The following NLRX1 variants were observed in gnomAD, a reference collection of about 807,000 sequenced individuals.
NLRX1 encodes NLR family member X1.
NLRX1 carries 67 observed loss-of-function variants against 74.2 expected under a neutral mutation model. The observed-to-expected ratio is 0.90, with a 90% CI of 0.74 to 1.11. NLRX1 has a LOEUF of 1.11. NLRX1 is among the 50% of genes least tolerant of loss of function. The pLI is 0.00. For missense variants in NLRX1, 1,191 were observed against 1,305.4 expected, an observed-to-expected ratio of 0.91 and a Z score of 1.35; for synonymous variants, 506 against 559.1, an observed-to-expected ratio of 0.91 and a Z score of 1.34.
rs767759158 is a variant in NLRX1 at position 119,175,284 on chromosome 11, C to A, written c.1671+10C>A. Reference sequence around the variant, plus strand: ...CTTCAACCTGATCAAGGTAACATCCCGATCAAGGTAACCCCCCAACCTGCT... The same window carrying A: ...CTTCAACCTGATCAAGGTAACATCCAGATCAAGGTAACCCCCCAACCTGCT... On this transcript the variant is annotated intron_variant, in intron 6 of 9. Coordinates refer to ENST00000409109, the MANE Select transcript of NLRX1 (RefSeq NM_001282144.2). 5 of 1,605,688 alleles carry A rather than the reference C, an allele frequency of 3.1e-6. No individual in the cohort carries two copies. Among genetic ancestry groups the A allele is most frequent in the Non-Finnish European group, 4.3e-6 (5 of 1,174,418 alleles).
At position 119,182,298 on chromosome 11, in the gene NLRX1, G is replaced by C. The variant is rs748345890; in HGVS notation, c.2559G>C (p.Leu853=). The change falls in exon 9 of 10, where the codon CTG becomes CTC. Residue 853 remains leucine (L), a synonymous_variant. Transcript: ENST00000409109. ...ACGGTGCTGGTGACACAGCGGCCCT[G>C]GCCCTGGCCAGAGCTGCCCGGGAGC... ...AYNGAGDTAA[L]ALARAAREHP... 1 of 1,613,500 alleles carries C rather than the reference G, an allele frequency of 6.2e-7. No homozygotes were observed. Among genetic ancestry groups the C allele is most frequent in the Non-Finnish European group, 8.5e-7 (1 of 1,180,012 alleles).
intron 1 of NLRX1, among the ~76,000 whole-genome samples, chr11:119,169,763 G>A (rs1197638755): frequency 6.6e-6 from 1 of 152,148 alleles, no homozygotes; most frequent in Non-Finnish European, 1.5e-5. Flanking sequence ...GGCAAGGCGG[G>A]CGGATCACTT....
Position 119,175,208 on chromosome 11 carries a change from G to C in NLRX1, c.1605G>C (p.Leu535=). 1 of 1,614,194 alleles carries C rather than the reference G, an allele frequency of 6.2e-7. No homozygotes were observed. Among genetic ancestry groups the C allele is most frequent in the Non-Finnish European group, 8.5e-7 (1 of 1,180,044 alleles). Residue 535 remains leucine, a synonymous_variant, in exon 6 of 10, where the codon CTG becomes CTC. Transcript: ENST00000409109. ...GCCGTGTTGGGGAGGACGTCAGCCT[G>C]GTACTGGGCATCATGGCCAAGCTGC... ...LVGRVGEDVS[L]VLGIMAKLLP... is the part of the protein sequence containing the mutation.
chr11:119,180,313 G>T, intron 7 of NLRX1, 25 bp downstream of exon 7: 1 of 1,521,786 alleles, frequency 6.6e-7, no homozygotes, highest in Non-Finnish European at 8.9e-7. Flanking sequence ...TCATGCACAG[G>T]CATGAAGAGG....
In NLRX1 at chr11:119,183,227, G is replaced by C. The variant is rs775824223; in HGVS notation, c.2716G>C (p.Val906Leu). 1.9e-6 allele frequency: 3 copies of C among 1,614,118 alleles called. No individual in the cohort carries two copies. The highest frequency in any genetic ancestry group is 2.5e-6 in the Non-Finnish European group (3 of 1,180,054). Residue 906 changes from valine to leucine, a missense_variant, in exon 10 of 10, where the codon GTG becomes CTG. By Grantham distance (32) the Val-to-Leu change is conservative. Transcript: ENST00000409109. This position sits in a 1 kb window ranked among gnomAD's most constrained non-coding sequence, Gnocchi z 5.7. ...GGTGTCACTGACAGAGGGGACGGCG[G>C]TGTCAGAATACTGGTCAGTGATCCT... is the stretch of plus-strand genomic sequence containing the variant. ...VVVSLTEGTA[V>L]SEYWSVILSE...
In NLRX1 at chr11:119,179,733, G is replaced by A. The variant is rs140619699; in HGVS notation, c.1712G>A (p.Arg571Gln). The change falls in exon 7 of 10, where the codon CGG becomes CAG. Residue 571 changes from arginine to glutamine, a missense_variant. By Grantham distance (43) the Arg-to-Gln change is conservative. Coordinates refer to ENST00000409109, the MANE Select transcript of NLRX1 (RefSeq NM_001282144.2). ...TTTGGGCGCATGGTGGGTAAAAGCC[G>A]GGAGGCGGTGGCTCAGGCCATGGTG... ...RVFGRMVGKSREAVAQAMVLE... is the reference protein window; with the variant it reads ...RVFGRMVGKSQEAVAQAMVLE... 1.1e-5 allele frequency: 18 copies of A among 1,610,768 alleles called. No individual in the cohort carries two copies. Among genetic ancestry groups the A allele is most frequent in the Middle Eastern group, 3.3e-4 (2 of 6,060 alleles).
In NLRX1 at chr11:119,182,075, G is replaced by A; in HGVS notation, c.2355-19G>A. On this transcript the variant is annotated intron_variant, in intron 8 of 9. Transcript: ENST00000409109. ...CCTCTCAATGAGCCCTCATAACCTT[G>A]GGTTGCACGTGGCTGTAGGCTGTCC... 6.2e-7 allele frequency: 1 copy of A among 1,611,986 alleles called. No homozygotes were observed. The highest frequency in any genetic ancestry group is 8.5e-7 in the Non-Finnish European group (1 of 1,178,432).
In NLRX1 at chr11:119,173,320, A is replaced by G; in HGVS notation, c.230-159A>G. 1 of 828,054 alleles carries G rather than the reference A, an allele frequency of 1.2e-6. No homozygotes were observed. The highest frequency in any genetic ancestry group is 2.3e-5 in the Admixed American group (1 of 42,806). 51.3% of individuals were successfully genotyped at this position (828,054 alleles called of 1,614,324 possible). On this transcript the variant is annotated intron_variant, in intron 4 of 9. Coordinates refer to ENST00000409109, the MANE Select transcript of NLRX1 (RefSeq NM_001282144.2). The surrounding 1 kb of genome is among the most constrained non-coding windows in gnomAD (Gnocchi z 4.0). ...GACATAGGGGTTCCAGACTTTCTGG[A>G]CAGTCTATATTTTCTCAGGGAGTCT...
intron 6 of NLRX1, among the ~76,000 whole-genome samples, chr11:119,177,609 C>T (rs556032592): frequency 6.7e-4 from 99 of 148,866 alleles, no homozygotes; most frequent in African/African-American, 2.2e-3. Flanking sequence ...GCCTGGGTGA[C>T]AGAGCGAGAC....
intron 9 of NLRX1, among the ~76,000 whole-genome samples, chr11:119,182,655 G>A (rs932725898): frequency 3.9e-5 from 6 of 152,150 alleles, no homozygotes; most frequent in African/African-American, 1.4e-4. Flanking sequence ...GGGGGGCCAA[G>A]GCGGGCACAT....
intron 2 of NLRX1, among the ~76,000 whole-genome samples, chr11:119,172,105 T>C (rs1948565607): frequency 6.6e-6 from 1 of 152,172 alleles, no homozygotes; most frequent in East Asian, 1.9e-4. Context: ...TCTAAGTAAA[T>C]AATTGTGAAC....
In NLRX1 at chr11:119,173,864, G is replaced by A. The variant is rs1948618847; in HGVS notation, c.615G>A (p.Leu205=). The change falls in exon 5 of 10, where the codon CTG becomes CTA. Residue 205 remains leucine, a synonymous_variant. Coordinates refer to ENST00000409109, the MANE Select transcript of NLRX1 (RefSeq NM_001282144.2). This position sits in a 1 kb window ranked among gnomAD's most constrained non-coding sequence, Gnocchi z 4.0. ...TCTCCTGTGAGGACCTGTCATCCCTGGGCCCTGCCCCAGCCTCCCTGTGCC... is the reference window on the plus strand; with the variant it reads ...TCTCCTGTGAGGACCTGTCATCCCTAGGCCCTGCCCCAGCCTCCCTGTGCC... The part of the protein sequence containing the change: ...IPFSCEDLSS[L]GPAPASLCQL... 1 of 1,613,538 alleles carries A rather than the reference G, an allele frequency of 6.2e-7. No homozygotes were observed. Among genetic ancestry groups the A allele is most frequent in the South Asian group, 1.1e-5 (1 of 91,090 alleles).
chr11:119,182,027 C>T, intron 8 of NLRX1, 67 bp from the exon 9 acceptor site: 1 of 1,575,854 alleles, frequency 6.3e-7, no homozygotes. Flanking sequence ...CTGCCAGTAC[C>T]ACCCCCAACC....
intron 9 of NLRX1, among the ~76,000 whole-genome samples, chr11:119,182,830 T>C (rs1391980067): frequency 6.7e-6 from 1 of 149,920 alleles, no homozygotes; most frequent in Non-Finnish European, 1.5e-5. Flanking sequence ...GAGGTTGCAG[T>C]AAGCCGAGAT....
intron 3 of NLRX1, 95 bp from the exon 4 acceptor site, chr11:119,172,806 A>G (rs1948586307): frequency 1.1e-5 from 10 of 908,398 alleles, no homozygotes; most frequent in Admixed American, 8.9e-5. Context: ...TCAGGAAACC[A>G]GAAGTCTAGC....
chr11:119,174,151 AG>A (rs1948632926), intron 5 of NLRX1, 53 bp downstream of exon 5: 1 of 1,583,552 alleles, frequency 6.3e-7, no homozygotes, highest in Admixed American at 1.7e-5. Flanking sequence ...CTCGCCCCCT[AG>A]GTCCTGGGTT....
At chr11:119,174,386 C>T in intron 5 of NLRX1, 67 bp from the exon 6 acceptor site, 1 of 1,501,452 alleles carries the variant, frequency 6.7e-7, no homozygotes, top group Non-Finnish European at 9.1e-7. Context: ...TTCAGGGGTC[C>T]CCTGGGAATA....
At chr11:119,177,470 A>C (rs1303985327) in intron 6 of NLRX1, among the ~76,000 whole-genome samples, 1 of 151,468 alleles carries the variant, frequency 6.6e-6, no homozygotes, top group African/African-American at 2.4e-5. Flanking sequence ...TCTACTAAAA[A>C]TACAAAAATT....
At chr11:119,182,657 C>T (rs1430448782) in intron 9 of NLRX1, among the ~76,000 whole-genome samples, 2 of 152,054 alleles carry the variant, frequency 1.3e-5, no homozygotes, top group African/African-American at 4.8e-5. Context: ...GGGGCCAAGG[C>T]GGGCACATCA....
Sources: gnomAD v4.1 joint callset for allele counts (sites outside exome capture counted in the v4.1 genomes callset) on GRCh38, gnomAD v4.1.1 for gene constraint, Gnocchi (gnomAD v3.1) non-coding constraint, MANE v1.5 for transcripts, NCBI Gene and HGNC (gene_info 2026-07-23, HGNC 2026-07-21) for gene names.